Variants in CACNA2D3 observed in about 807,000 individuals in gnomAD.
The protein encoded by CACNA2D3 is voltage-dependent calcium channel subunit alpha-2/delta-3.
In CACNA2D3, 60 loss-of-function variants were observed where a neutral mutation model predicts 160.6. That is an observed-to-expected ratio of 0.37 (90% CI 0.30 to 0.46). CACNA2D3 has a LOEUF of 0.46. Ranked by LOEUF, CACNA2D3 falls within the 20% of genes least tolerant of loss-of-function variation. CACNA2D3 has a pLI of 1.00. For synonymous variants in CACNA2D3, 558 were observed against 492.9 expected, an observed-to-expected ratio of 1.13 and a Z score of -1.75; for missense variants, 1,205 against 1,365.0, an observed-to-expected ratio of 0.88 and a Z score of 1.85.
chr3:54,468,569 C>G (rs1230394781), intron 4 of CACNA2D3, among the ~76,000 whole-genome samples: 1 of 152,162 alleles, frequency 6.6e-6, no homozygotes, highest in Admixed American at 6.5e-5. Context: ...GGAATGCCAG[C>G]AAGACAGAAC....
At chr3:54,458,453 G>GTTT (rs556768852) in intron 4 of CACNA2D3, among the ~76,000 whole-genome samples, 1 of 144,796 alleles carries the variant, frequency 6.9e-6, no homozygotes, top group Non-Finnish European at 1.5e-5. Flanking sequence ...TTTGCTGGCA[G>GTTT]TTTTTTTTTT....
chr3:54,676,985 G>C (rs971426284), intron 11 of CACNA2D3, among the ~76,000 whole-genome samples: 1 of 152,158 alleles, frequency 6.6e-6, no homozygotes, highest in Non-Finnish European at 1.5e-5. Context: ...ATTAGTTACA[G>C]CCTTTTAAAA....
chr3:54,839,452 G>A (rs1392925271), intron 16 of CACNA2D3, among the ~76,000 whole-genome samples: 9 of 152,138 alleles, frequency 5.9e-5, no homozygotes, highest in Non-Finnish European at 1.2e-4. Flanking sequence ...AGAGGCATCA[G>A]AGAGCAGCCC....
In CACNA2D3 at chr3:54,638,568, G is replaced by GT. The variant is rs1045221135; in HGVS notation, c.1054-3559dup. On this transcript the variant is annotated intron_variant, in intron 10 of 37. Coordinates refer to ENST00000474759, the MANE Select transcript of CACNA2D3 (RefSeq NM_018398.3). ...AGGAAGGGAGAGGTCAGATGGGTCTGTAGAAAAGGAAGATTAGAAAGACTC... is the reference window on the plus strand; with the variant it reads ...AGGAAGGGAGAGGTCAGATGGGTCTGTTAGAAAAGGAAGATTAGAAAGACTC... 15 of 152,018 alleles carry GT rather than the reference G, an allele frequency of 9.9e-5. 1 individual carries two copies. The highest frequency in any genetic ancestry group is 3.6e-4 in the African/African-American group (15 of 41,312). The allele number at this position is 152,018 out of a possible 1,614,324, so 9.4% of individuals were successfully genotyped here.
intron 13 of CACNA2D3, among the ~76,000 whole-genome samples, chr3:54,807,439 A>G (rs1180612875): frequency 6.6e-6 from 1 of 152,240 alleles, no homozygotes; most frequent in East Asian, 1.9e-4. Flanking sequence ...ATGCAGCCAA[A>G]AAACACATGA....
intron 2 of CACNA2D3, among the ~76,000 whole-genome samples, chr3:54,202,726 G>A (rs572280056): frequency 1.3e-5 from 2 of 152,304 alleles, no homozygotes; most frequent in East Asian, 3.9e-4. Flanking sequence ...AGGAAACTGG[G>A]GATAATAGAC....
chr3:54,848,391 C>T (rs1698980979), intron 17 of CACNA2D3, among the ~76,000 whole-genome samples: 1 of 152,152 alleles, frequency 6.6e-6, no homozygotes. Context: ...GTGGTGGTTG[C>T]TAGGATTTTG....
intron 35 of CACNA2D3, among the ~76,000 whole-genome samples, chr3:55,029,179 A>G (rs1703631039): frequency 6.6e-6 from 1 of 152,146 alleles, no homozygotes; most frequent in Non-Finnish European, 1.5e-5. Flanking sequence ...CCATTGCACA[A>G]TAGGGACACA....
chr3:54,174,610 C>T (rs1272228057), intron 2 of CACNA2D3, among the ~76,000 whole-genome samples: 3 of 152,140 alleles, frequency 2.0e-5, no homozygotes, highest in Non-Finnish European at 4.4e-5. Context: ...CTGAAAGCTC[C>T]GCCTCCCGGG....
At chr3:54,868,882 A>G (rs1699462819) in intron 17 of CACNA2D3, among the ~76,000 whole-genome samples, 1 of 152,210 alleles carries the variant, frequency 6.6e-6, no homozygotes, top group Admixed American at 6.5e-5. Context: ...TGCTAGCTGA[A>G]TATTAAAATA....
chr3:54,202,224 G>T (rs1411718324), intron 2 of CACNA2D3, among the ~76,000 whole-genome samples: 1 of 152,210 alleles, frequency 6.6e-6, no homozygotes, highest in African/African-American at 2.4e-5. Context: ...TGGTGCAGAA[G>T]GGACCTGGGA....
chr3:54,198,500 G>A (rs1701120785), intron 2 of CACNA2D3, among the ~76,000 whole-genome samples: 1 of 152,222 alleles, frequency 6.6e-6, no homozygotes, highest in Non-Finnish European at 1.5e-5. Flanking sequence ...GTGGGGCTCT[G>A]TTCATTTGTA....
chr3:54,821,697 T>TTTCTTTCTTTCTTTAC (rs753240626), intron 14 of CACNA2D3, among the ~76,000 whole-genome samples: 1 of 84,096 alleles, frequency 1.2e-5, no homozygotes, highest in Admixed American at 1.2e-4. Context: ...TCTTTCTTTC[T>TTTCTTTCTTTCTTTAC]TTCCTTCCTT....
chr3:54,241,919 A>C lies in CACNA2D3; in HGVS notation c.205-78523A>C, dbSNP rs140979657. On this transcript the variant is annotated intron_variant, in intron 2 of 37. Transcript: ENST00000474759. The stretch of plus-strand genomic sequence containing the variant: ...ATGATGATAAGAATACCTGTGACTT[A>C]GGGCTGCCATGAGGATTCAGTGAGA... 5.9e-5 allele frequency among the ~76,000 whole-genome samples: 9 copies of C among 152,302 alleles called. No individual in the cohort carries two copies. The East Asian group carries it at 1.4e-3, about 23-fold the overall frequency.
At chr3:54,444,391 T>C (rs553063902) in intron 4 of CACNA2D3, among the ~76,000 whole-genome samples, 148 of 152,320 alleles carry the variant, frequency 9.7e-4, no homozygotes, top group Non-Finnish European at 1.8e-3. Flanking sequence ...TGAGGTCCCC[T>C]GTGTGTTTTC....
chr3:54,368,693 CTTTTTTTTTTTTT>C (rs33976949), intron 3 of CACNA2D3, among the ~76,000 whole-genome samples: 5,433 of 71,610 alleles, frequency 0.076, 432 homozygotes, highest in African/African-American at 0.24. Context: ...GGGTAGGGTT[CTTTTTTTTTTTTT>C]TTTTTTTTTT....
chr3:54,549,923 T>C (rs1702129350), intron 5 of CACNA2D3, among the ~76,000 whole-genome samples: 1 of 152,162 alleles, frequency 6.6e-6, no homozygotes, highest in Non-Finnish European at 1.5e-5. Context: ...AATTTCTTTC[T>C]CTCTTCCGAA....
At chr3:54,569,418 C>G (rs2106718629) in intron 6 of CACNA2D3, among the ~76,000 whole-genome samples, 1 of 150,150 alleles carries the variant, frequency 6.7e-6, no homozygotes, top group African/African-American at 2.4e-5. Flanking sequence ...GGGCCAGACT[C>G]TGCCCAGAGA....
At chr3:54,544,063 G>A (rs1201723275) in intron 5 of CACNA2D3, among the ~76,000 whole-genome samples, 1 of 152,026 alleles carries the variant, frequency 6.6e-6, no homozygotes, top group Non-Finnish European at 1.5e-5. Flanking sequence ...TTTATAAATA[G>A]GCTTTGAGTT....
Sources: gnomAD v4.1 joint callset for allele counts (sites outside exome capture counted in the v4.1 genomes callset) on GRCh38, gnomAD v4.1.1 for gene constraint, MANE v1.5 for transcripts, NCBI Gene and HGNC (gene_info 2026-07-23, HGNC 2026-07-21) for gene names.